The following DNAH14 variants were observed in gnomAD, a reference collection of about 807,000 sequenced individuals.
DNAH14 encodes axonemal beta dynein heavy chain 14.
In DNAH14, 478 loss-of-function variants were observed where a neutral mutation model predicts 520.9. The ratio of observed to expected loss-of-function variants is 0.92; its 90% CI spans 0.85 to 0.99. The LOEUF (loss-of-function observed/expected upper bound fraction) is 0.99. Among genes scored for constraint, DNAH14 ranks in the 50% least tolerant of loss-of-function variants. DNAH14 has a pLI of 0.00. For synonymous variants in DNAH14, 1,581 were observed against 1,757.2 expected (o/e 0.90, Z 2.51); for missense variants, 4,831 against 5,234.5 (o/e 0.92, Z 2.38).
chr1:225,299,601 A>G (rs1244416863), intron 55 of DNAH14, among the ~76,000 whole-genome samples: 1 of 152,188 alleles, frequency 6.6e-6, no homozygotes, highest in Non-Finnish European at 1.5e-5. Context: ...CTCCCATGCC[A>G]GGAGCCCATT....
chr1:225,045,360 A>G (rs892871273), intron 15 of DNAH14, among the ~76,000 whole-genome samples: 1 of 152,024 alleles, frequency 6.6e-6, no homozygotes, highest in African/African-American at 2.4e-5. Context: ...ATATGCTTTA[A>G]TCTAGTTATG....
At chr1:225,047,917 TG>T (rs2068110452) in intron 15 of DNAH14, among the ~76,000 whole-genome samples, 2 of 152,218 alleles carry the variant, frequency 1.3e-5, no homozygotes, top group African/African-American at 4.8e-5. Flanking sequence ...GTAACCTGGT[TG>T]ATGTTTTAAA....
At chr1:225,384,546 A>G (rs1558594219) in intron 81 of DNAH14, among the ~76,000 whole-genome samples, 1 of 152,200 alleles carries the variant, frequency 6.6e-6, no homozygotes, top group African/African-American at 2.4e-5. Context: ...TAAAGGGGAT[A>G]TCACCACCGA....
intron 11 of DNAH14, among the ~76,000 whole-genome samples, chr1:225,037,093 T>C (rs907307434): frequency 3.3e-5 from 5 of 152,200 alleles, no homozygotes; most frequent in African/African-American, 1.2e-4. Flanking sequence ...TGTAGCTTTA[T>C]TTTCAGTCTG....
At chr1:225,206,910 G>A (rs2087641850) in intron 40 of DNAH14, 58 bp from the exon 41 acceptor site, 1 of 1,355,080 alleles carries the variant, frequency 7.4e-7, no homozygotes, top group Non-Finnish European at 9.7e-7. Context: ...TAAGATAGTA[G>A]AAGGATACCA....
chr1:225,389,781 G>A lies in DNAH14; in HGVS notation c.13238G>A (p.Ser4413Asn), dbSNP rs1308475821. Residue 4413 changes from serine to asparagine, a missense_variant, in exon 83 of 86, where the codon AGC becomes AAC. Coordinates refer to ENST00000682510, the MANE Select transcript of DNAH14 (RefSeq NM_001367479.1). ...TGGAAGCAGTCTATTCCATCAACTAGCCAAAAATGCAAACACCCTGAGGAT... is the reference window on the plus strand; with the variant it reads ...TGGAAGCAGTCTATTCCATCAACTAACCAAAAATGCAAACACCCTGAGGAT... ...TVWKQSIPSTSQKCKHPEDSE... is the reference protein window; with the variant it reads ...TVWKQSIPSTNQKCKHPEDSE... 2.6e-6 allele frequency: 4 copies of A among 1,552,060 alleles called. No individual in the cohort carries two copies. The East Asian group carries it at 9.8e-5, about 38-fold the overall frequency.
intron 75 of DNAH14, 72 bp from the exon 76 acceptor site, chr1:225,364,720 A>G (rs992245669): frequency 1.8e-6 from 2 of 1,120,888 alleles, no homozygotes; most frequent in East Asian, 5.3e-5. Context: ...AAACAGTGAA[A>G]TGCTATGATT....
intron 38 of DNAH14, among the ~76,000 whole-genome samples, chr1:225,193,747 A>T (rs2085749808): frequency 6.6e-6 from 1 of 152,170 alleles, no homozygotes; most frequent in Non-Finnish European, 1.5e-5. Context: ...ATAAGAAGAG[A>T]GGAAGTTAAA....
intron 11 of DNAH14, among the ~76,000 whole-genome samples, chr1:225,034,369 T>G (rs2066773738): frequency 6.6e-6 from 1 of 152,190 alleles, no homozygotes; most frequent in East Asian, 1.9e-4. Context: ...ATTTATTGAT[T>G]TGTGTATGTT....
At chr1:225,369,527 T>C (rs1223184622) in intron 77 of DNAH14, among the ~76,000 whole-genome samples, 1 of 151,956 alleles carries the variant, frequency 6.6e-6, no homozygotes, top group East Asian at 1.9e-4. Flanking sequence ...CTGGTATACA[T>C]GTACATATAT....
intron 8 of DNAH14, among the ~76,000 whole-genome samples, chr1:224,989,703 A>G (rs137952756): frequency 2.7e-3 from 407 of 152,276 alleles, no homozygotes; most frequent in Non-Finnish European, 5.0e-3. Flanking sequence ...ACTTTTGTCA[A>G]TGCTCTTTGT....
intron 69 of DNAH14, among the ~76,000 whole-genome samples, chr1:225,342,702 A>G (rs1246758447): frequency 6.6e-6 from 1 of 151,706 alleles, no homozygotes; most frequent in African/African-American, 2.4e-5. Flanking sequence ...ACACACACAC[A>G]CACACACACA....
At chr1:225,376,233 C>A (rs2095699026) in intron 78 of DNAH14, among the ~76,000 whole-genome samples, 1 of 152,030 alleles carries the variant, frequency 6.6e-6, no homozygotes, top group African/African-American at 2.4e-5. Context: ...TCGAGACCAG[C>A]CTGGCCAACA....
intron 44 of DNAH14, among the ~76,000 whole-genome samples, chr1:225,255,469 C>G (rs534722622): frequency 1.3e-5 from 2 of 152,264 alleles, no homozygotes; most frequent in South Asian, 2.1e-4. Context: ...GAGCTACACT[C>G]TCTATGTGAA....
chr1:225,213,243 G>T (rs1225414892), intron 41 of DNAH14, among the ~76,000 whole-genome samples: 2 of 151,936 alleles, frequency 1.3e-5, no homozygotes, highest in African/African-American at 4.8e-5. Flanking sequence ...ATTTCTGGGG[G>T]CTCTATTCTG....
At chr1:225,201,575 T>C (rs1400517462) in intron 38 of DNAH14, among the ~76,000 whole-genome samples, 2 of 152,130 alleles carry the variant, frequency 1.3e-5, no homozygotes, top group Non-Finnish European at 2.9e-5. Flanking sequence ...TGTAGTACTC[T>C]CCCCCTTTTC....
rs1017532264 is a variant in DNAH14, at chr1:225,051,914, A to G, written c.2424+119A>G. On this transcript the variant is annotated intron_variant, in intron 17 of 85. Transcript: ENST00000682510. ...TCACATGCAGAGTATGATAAAGGTG[A>G]AAAAATGAAGATATACATAAATATT... 11 of 709,052 alleles carry G rather than the reference A, an allele frequency of 1.6e-5. No individual in the cohort carries two copies. The Admixed American group carries it at 3.7e-4, about 24-fold the overall frequency. 43.9% of individuals were successfully genotyped at this position (709,052 alleles called of 1,614,324 possible). A position where few individuals can be genotyped will look rare whatever the true frequency, so the allele number is the denominator to read the frequency against.
intron 84 of DNAH14, among the ~76,000 whole-genome samples, chr1:225,394,862 A>C (rs1295368927): frequency 6.8e-6 from 1 of 147,232 alleles, no homozygotes; most frequent in African/African-American, 2.5e-5. Flanking sequence ...AAAAAAAAGG[A>C]GAATTGAGTT....
chr1:225,167,102 C>T (rs1403016399), intron 35 of DNAH14, among the ~76,000 whole-genome samples: 3 of 152,168 alleles, frequency 2.0e-5, no homozygotes, highest in Admixed American at 2.0e-4. Flanking sequence ...TCATCAATTC[C>T]ACTTAAGAGA....
Sources: allele counts gnomAD v4.1 joint callset (sites outside exome capture counted in the v4.1 genomes callset), GRCh38; gene constraint gnomAD v4.1.1; transcripts MANE v1.5; gene names NCBI Gene and HGNC (gene_info 2026-07-23, HGNC 2026-07-21).